SDAD1: variants seen among roughly 807,000 people sequenced by gnomAD.
SDAD1 encodes the protein protein SDA1 homolog.
In SDAD1, 79 loss-of-function variants were observed where a neutral mutation model predicts 100.3. The ratio of observed to expected loss-of-function variants is 0.79; its 90% CI spans 0.66 to 0.95. The LOEUF is 0.95. Ranked by LOEUF, SDAD1 falls within the 40% of genes least tolerant of loss-of-function variation. The probability of loss-of-function intolerance (pLI) is 0.00; values close to 1 mark genes in which losing one functional copy is unlikely to be tolerated. For missense variants in SDAD1, 790 were observed against 810.9 expected (o/e 0.97, Z 0.31); for synonymous variants, 267 against 271.4 (o/e 0.98, Z 0.16).
chr4:75,973,240 G>T, intron 8 of SDAD1, 77 bp downstream of exon 8: 1 of 1,137,280 alleles, frequency 8.8e-7, no homozygotes, highest in Non-Finnish European at 1.3e-6. Context: ...TCTAACTTCA[G>T]CAGTCATAGA....
intron 1 of SDAD1, among the ~76,000 whole-genome samples, chr4:75,985,654 A>T (rs1730847290): frequency 6.6e-6 from 1 of 152,120 alleles, no homozygotes; most frequent in African/African-American, 2.4e-5. Flanking sequence ...GGGTCTTCCC[A>T]ATACTCTGGC....
chr4:75,954,584 G>A (rs1728787222), intron 21 of SDAD1, among the ~76,000 whole-genome samples: 1 of 152,046 alleles, frequency 6.6e-6, no homozygotes, highest in Admixed American at 6.5e-5. Flanking sequence ...GAGGTGGGAG[G>A]ATCACTTGTA....
At chr4:75,954,791 G>A (rs1327270465) in intron 21 of SDAD1, among the ~76,000 whole-genome samples, 1 of 152,142 alleles carries the variant, frequency 6.6e-6, no homozygotes, top group East Asian at 1.9e-4. Flanking sequence ...ACATCACCAA[G>A]ATTCCTATCC....
At chr4:75,990,582 A>AC in intron 1 of SDAD1, 170 bp downstream of exon 1, 1 of 1,417,998 alleles carries the variant, frequency 7.1e-7, no homozygotes, top group Non-Finnish European at 9.7e-7. Context: ...TGGGGAACGA[A>AC]CCCTAAGGCA....
chr4:75,971,651 A>G (rs1406897144), intron 8 of SDAD1, among the ~76,000 whole-genome samples, 193 bp from the exon 9 acceptor site: 1 of 152,118 alleles, frequency 6.6e-6, no homozygotes, highest in Non-Finnish European at 1.5e-5. Context: ...TGGGTAGATC[A>G]CTTGAGGCCA....
At position 75,950,491 on chromosome 4, in the gene SDAD1, G is replaced by GA; in HGVS notation, c.*258dup. On this transcript the variant is annotated 3_prime_UTR_variant, in exon 22 of 22. Transcript: ENST00000356260. Reference sequence around the variant, plus strand: ...TTCGTTTTGCATCTACAGTGACAATGAATAGGCACTCAATACATACTTTTT... The same window carrying GA: ...TTCGTTTTGCATCTACAGTGACAATGAAATAGGCACTCAATACATACTTTTT... The GA allele has an allele frequency of 2.6e-6, 1 of 390,550 alleles. No homozygotes were observed. The highest frequency in any genetic ancestry group is 4.7e-5 in the South Asian group (1 of 21,130). 24.2% of individuals were successfully genotyped at this position (390,550 alleles called of 1,614,324 possible). A position where few individuals can be genotyped will look rare whatever the true frequency, so the allele number is the denominator to read the frequency against.
intron 8 of SDAD1, among the ~76,000 whole-genome samples, 154 bp from the exon 9 acceptor site, chr4:75,971,612 T>C (rs1052969801): frequency 6.6e-6 from 1 of 152,250 alleles, no homozygotes; most frequent in Non-Finnish European, 1.5e-5. Context: ...GGCTCACGTC[T>C]GTAATCCCAG....
intron 12 of SDAD1, among the ~76,000 whole-genome samples, chr4:75,966,036 C>A (rs1018946465): frequency 5.3e-5 from 8 of 152,076 alleles, no homozygotes; most frequent in Non-Finnish European, 1.0e-4. Flanking sequence ...CCTGACCACA[C>A]AATGTAAAAC....
chr4:75,955,004 C>T (rs1002172820), intron 21 of SDAD1, among the ~76,000 whole-genome samples: 2 of 152,166 alleles, frequency 1.3e-5, no homozygotes, highest in African/African-American at 2.4e-5. Context: ...TCTAGCTTCA[C>T]GTCCTGTTTC....
intron 10 of SDAD1, among the ~76,000 whole-genome samples, chr4:75,969,904 G>A (rs1168543888): frequency 6.6e-5 from 10 of 151,872 alleles, no homozygotes; most frequent in Non-Finnish European, 1.0e-4. Flanking sequence ...TTATAAATTC[G>A]CCAGGTGAGA....
intron 13 of SDAD1, among the ~76,000 whole-genome samples, chr4:75,965,308 T>G (rs970008031): frequency 6.6e-6 from 1 of 152,218 alleles, no homozygotes; most frequent in South Asian, 2.1e-4. Context: ...AGACTGGCTG[T>G]CTGCTCTCAA....
rs1444333193 is a variant in SDAD1, at chr4:75,961,209, AC to A, written c.1279+1del. 3 of 1,613,254 alleles carry A rather than the reference AC, an allele frequency of 1.9e-6. No homozygotes were observed. Among genetic ancestry groups the A allele is most frequent in the Non-Finnish European group, 2.5e-6 (3 of 1,179,428 alleles). On this transcript the variant is annotated splice_donor_variant, in intron 15 of 21. Coordinates refer to ENST00000356260, the MANE Select transcript of SDAD1 (RefSeq NM_018115.4). LOFTEE classifies it high-confidence loss of function. ...GTGTGTAGAGAGTAACATGCAGCTT[AC>A]TCTTATCCTTGTGTGTTTTATACTG...
At chr4:75,977,459 G>A (rs1730217387) in intron 4 of SDAD1, among the ~76,000 whole-genome samples, 187 bp downstream of exon 4, 1 of 152,150 alleles carries the variant, frequency 6.6e-6, no homozygotes, top group African/African-American at 2.4e-5. Context: ...AAAGCTCTGA[G>A]AATGGTGCCT....
intron 1 of SDAD1, among the ~76,000 whole-genome samples, chr4:75,984,928 AAC>A (rs1310221110): frequency 6.6e-6 from 1 of 152,086 alleles, no homozygotes; most frequent in Non-Finnish European, 1.5e-5. Flanking sequence ...ATGGTCAAAA[AAC>A]ACAACTTGAT....
intron 20 of SDAD1, among the ~76,000 whole-genome samples, chr4:75,956,439 A>G (rs1728900895): frequency 6.9e-6 from 1 of 144,468 alleles, no homozygotes; most frequent in Non-Finnish European, 1.5e-5. Flanking sequence ...GAAGGCATTC[A>G]TGGTAAGGGA....
Position 75,990,768 on chromosome 4 carries a change from G to T in SDAD1, c.74C>A (p.Pro25Gln). The change falls in exon 1 of 22, where the codon CCG becomes CAG. Residue 25 changes from proline (P) to glutamine (Q), a missense_variant. Transcript: ENST00000356260. ...CACTCCCACCTCCTCGATGTAGGCC[G>T]GCGGGTCTCGCTTGATTAGATTCTG... ...QLQNLIKRDPPAYIEEFLQQY... is the reference protein window; with the variant it reads ...QLQNLIKRDPQAYIEEFLQQY... 1 of 1,614,108 alleles carries T rather than the reference G, an allele frequency of 6.2e-7. No homozygotes were observed. Among genetic ancestry groups the T allele is most frequent in the Non-Finnish European group, 8.5e-7 (1 of 1,180,002 alleles).
At position 75,977,742 on chromosome 4, in the gene SDAD1, A is replaced by G; in HGVS notation, c.309T>C (p.Ala103=). 6.2e-7 allele frequency: 1 copy of G among 1,609,734 alleles called. No homozygotes were observed. The highest frequency in any genetic ancestry group is 8.5e-7 in the Non-Finnish European group (1 of 1,177,270). Residue 103 remains alanine (A), a synonymous_variant, in exon 4 of 22, where the codon GCT becomes GCC. Coordinates refer to ENST00000356260, the MANE Select transcript of SDAD1 (RefSeq NM_018115.4). ...GATTCTTATTTCTCAGCAAGATCAA[A>G]GCTTTGCAAAATGTCTCGGGAAGGA... is the stretch of plus-strand genomic sequence containing the variant. ...DPDLRMTFCK[A]LILLRNKNLI... is the part of the protein sequence containing the mutation.
rs758700759 is a variant in SDAD1, at chr4:75,957,660, C to A, written c.1627G>T (p.Ala543Ser). The A allele has an allele frequency of 9.3e-6, 15 of 1,614,064 alleles. No individual in the cohort carries two copies. The highest frequency in any genetic ancestry group is 1.2e-5 in the Non-Finnish European group (14 of 1,180,028). ...MPMEERKAKA[A>S]AISTSRVLTQ... ...AAAACTCGGCTAGTGCTGATGGCTG[C>A]AGCTTTGGCCTTCCGCTCCTCCATG... The change falls in exon 19 of 22, where the codon GCA (alanine) becomes TCA (serine). Residue 543 changes from alanine to serine, a missense_variant. Coordinates refer to ENST00000356260, the MANE Select transcript of SDAD1 (RefSeq NM_018115.4).
intron 8 of SDAD1, among the ~76,000 whole-genome samples, chr4:75,972,787 C>T (rs1051026941): frequency 4.0e-5 from 6 of 151,288 alleles, no homozygotes; most frequent in Admixed American, 1.3e-4. Flanking sequence ...TTTGGGAGGC[C>T]GAGGCGGGTG....
Sources: gnomAD v4.1 joint callset for allele counts (sites outside exome capture counted in the v4.1 genomes callset) on GRCh38, gnomAD v4.1.1 for gene constraint, MANE v1.5 for transcripts, NCBI Gene and HGNC (gene_info 2026-07-23, HGNC 2026-07-21) for gene names.